The following CRB1 variants were observed in gnomAD, a reference collection of about 807,000 sequenced individuals.
The protein encoded by CRB1 is crumbs cell polarity complex component 1.
A neutral mutation model predicts 120.0 loss-of-function variants in CRB1; 83 were observed. The ratio of observed to expected loss-of-function variants is 0.69; its 90% CI spans 0.58 to 0.83. The LOEUF (loss-of-function observed/expected upper bound fraction) is 0.83, where lower values mean the gene tolerates loss of function less well. Ranked by LOEUF, CRB1 falls within the 40% of genes least tolerant of loss-of-function variation. The pLI is 0.00. For missense variants in CRB1, 1,699 were observed against 1,687.6 expected (o/e 1.01, Z -0.12); for synonymous variants, 625 against 612.5 (o/e 1.02, Z -0.30).
At chr1:197,228,232 C>T in the CRB1 span, among the ~76,000 whole-genome samples, 1 of 152,162 alleles carries the variant, frequency 6.6e-6, no homozygotes, top group Non-Finnish European at 1.5e-5. Context: ...TTGAATTTCT[C>T]CTCAAAAACT....
At chr1:197,397,490 T>G (rs1046135783) in intron 5 of CRB1, among the ~76,000 whole-genome samples, 2 of 152,112 alleles carry the variant, frequency 1.3e-5, no homozygotes, top group Non-Finnish European at 2.9e-5. Context: ...GAAAACATAC[T>G]TCTACCCAAA....
intron 5 of CRB1, among the ~76,000 whole-genome samples, chr1:197,398,597 G>A (rs985851525): frequency 6.6e-6 from 1 of 152,140 alleles, no homozygotes; most frequent in Non-Finnish European, 1.5e-5. Context: ...AGAATTGTTA[G>A]ATGAATGGTC....
intron 11 of CRB1, chr1:197,442,680 A>T: frequency 5.2e-6 from 3 of 576,370 alleles, no homozygotes; most frequent in Non-Finnish European, 8.1e-6. Context: ...CAAACATATT[A>T]TCATTCTCAA....
rs1654725853 is a variant in CRB1 at position 197,268,506 on chromosome 1, T to C, written c.70+24T>C. ...AAGTAAGCCTTTCCCACTTTGGGCA[T>C]TTTTCCTGGTTTATTTCTGGCTTAT... On this transcript the variant is annotated intron_variant, in intron 1 of 11. Coordinates refer to ENST00000367400, the MANE Select transcript of CRB1 (RefSeq NM_201253.3). 6 of 1,499,910 alleles carry C rather than the reference T, an allele frequency of 4.0e-6. No individual in the cohort carries two copies. The Admixed American group carries it at 5.0e-5, about 13-fold the overall frequency. The allele number at this position is 1,499,910 out of a possible 1,614,324, so 92.9% of individuals were successfully genotyped here. A position where few individuals can be genotyped will look rare whatever the true frequency, so the allele number is the denominator to read the frequency against.
chr1:197,274,832 T>G (rs1434872808), intron 1 of CRB1, among the ~76,000 whole-genome samples: 1 of 151,594 alleles, frequency 6.6e-6, no homozygotes, highest in Non-Finnish European at 1.5e-5. Flanking sequence ...AACACTCACC[T>G]ACTGAAGGAC....
At position 197,355,118 on chromosome 1, in the gene CRB1, T is replaced by C. The variant is rs532754289; in HGVS notation, c.989-1713T>C. Reference sequence around the variant, plus strand: ...GACACAGGGTGCTGATTGATGTGTTTACAAACCTTAAGCTAGACACAGAGT... The same window carrying C: ...GACACAGGGTGCTGATTGATGTGTTCACAAACCTTAAGCTAGACACAGAGT... On this transcript the variant is annotated intron_variant, in intron 4 of 11. Transcript: ENST00000367400. 3.2e-4 allele frequency among the ~76,000 whole-genome samples: 48 copies of C among 151,290 alleles called. No individual in the cohort carries two copies. In the South Asian group the frequency reaches 8.2e-3, roughly 26 times the overall value.
At chr1:197,389,698 A>G (rs908814572) in intron 5 of CRB1, among the ~76,000 whole-genome samples, 5 of 144,918 alleles carry the variant, frequency 3.5e-5, no homozygotes, top group African/African-American at 1.2e-4. Context: ...TATGTTATGT[A>G]TATTTTACCA....
chr1:197,211,402 G>T, the CRB1 span, among the ~76,000 whole-genome samples: 2 of 152,158 alleles, frequency 1.3e-5, no homozygotes, highest in Non-Finnish European at 2.9e-5. Context: ...ATATACAATA[G>T]AAATTTATTT....
intron 5 of CRB1, among the ~76,000 whole-genome samples, chr1:197,374,681 T>C (rs1486400056): frequency 6.6e-6 from 1 of 152,210 alleles, no homozygotes; most frequent in African/African-American, 2.4e-5. Flanking sequence ...CAATTTCTCT[T>C]GCTTGTGGCT....
the CRB1 span, among the ~76,000 whole-genome samples, chr1:197,224,693 A>G: frequency 1.3e-5 from 2 of 152,104 alleles, no homozygotes; most frequent in African/African-American, 4.8e-5. Flanking sequence ...CTGCAAAAAT[A>G]TATACTAATA....
chr1:197,309,631 G>A (rs1249965211), intron 1 of CRB1, among the ~76,000 whole-genome samples: 1 of 152,052 alleles, frequency 6.6e-6, no homozygotes, highest in Non-Finnish European at 1.5e-5. Flanking sequence ...GCAGGCGCCT[G>A]TAGTCCCAGC....
chr1:197,354,285 A>G (rs187480305), intron 4 of CRB1, among the ~76,000 whole-genome samples: 11 of 152,348 alleles, frequency 7.2e-5, no homozygotes, highest in Non-Finnish European at 4.4e-5. Flanking sequence ...TTCCATCTCT[A>G]GGCATAAACT....
intron 11 of CRB1, among the ~76,000 whole-genome samples, chr1:197,473,143 C>T (rs541137581): frequency 1.3e-5 from 2 of 152,282 alleles, no homozygotes; most frequent in East Asian, 3.9e-4. Context: ...ATTCTTATGA[C>T]ATTTCTGAGA....
chr1:197,465,080 G>T lies in CRB1; in HGVS notation c.4006-12584G>T, dbSNP rs552682535. 3.3e-5 allele frequency among the ~76,000 whole-genome samples: 5 copies of T among 152,212 alleles called. No homozygotes were observed. The East Asian group carries it at 9.6e-4, about 29-fold the overall frequency. Reference sequence around the variant, plus strand: ...ATTGTGAATATCATAATTACCCTATGTACTGTATATAACACAGACTTAGAG... The same window carrying T: ...ATTGTGAATATCATAATTACCCTATTTACTGTATATAACACAGACTTAGAG... On this transcript the variant is annotated intron_variant, in intron 11 of 11. Transcript: ENST00000367400.
chr1:197,276,486 C>A (rs374292620), intron 1 of CRB1, among the ~76,000 whole-genome samples: 6 of 151,710 alleles, frequency 4.0e-5, no homozygotes, highest in African/African-American at 1.5e-4. Context: ...GAAGAGACCA[C>A]AATCCTTGAT....
chr1:197,369,641 A>C (rs945087665), intron 5 of CRB1, among the ~76,000 whole-genome samples: 1 of 152,156 alleles, frequency 6.6e-6, no homozygotes, highest in Non-Finnish European at 1.5e-5. Flanking sequence ...CAATACCACT[A>C]TGACTTATAA....
At chr1:197,348,145 T>C (rs1659882937) in intron 4 of CRB1, among the ~76,000 whole-genome samples, 1 of 152,208 alleles carries the variant, frequency 6.6e-6, no homozygotes, top group African/African-American at 2.4e-5. Context: ...AAGATTACAA[T>C]AGAGCTGAAC....
At chr1:197,463,132 T>C (rs1489103833) in intron 11 of CRB1, among the ~76,000 whole-genome samples, 2 of 152,182 alleles carry the variant, frequency 1.3e-5, no homozygotes, top group Non-Finnish European at 2.9e-5. Context: ...GTTGTTTTAC[T>C]TCTTGATAGA....
At chr1:197,300,145 C>G (rs963668387) in intron 1 of CRB1, among the ~76,000 whole-genome samples, 4 of 151,804 alleles carry the variant, frequency 2.6e-5, no homozygotes, top group Non-Finnish European at 4.4e-5. Context: ...TGAGACTAAA[C>G]AATATTGAAA....
Sources: allele counts gnomAD v4.1 joint callset (sites outside exome capture counted in the v4.1 genomes callset), GRCh38; gene constraint gnomAD v4.1.1; transcripts MANE v1.5; gene names NCBI Gene and HGNC (gene_info 2026-07-23, HGNC 2026-07-21).